The following EYS variants were observed in gnomAD, a reference collection of about 807,000 sequenced individuals.
EYS encodes the protein EGF-like photoreceptor maintenance factor.
A neutral mutation model predicts 282.1 loss-of-function variants in EYS; 250 were observed. The observed-to-expected ratio is 0.89, with a 90% CI of 0.80 to 0.98. The LOEUF (loss-of-function observed/expected upper bound fraction) is 0.98, where lower values mean the gene tolerates loss of function less well. EYS is among the 50% of genes least tolerant of loss of function. EYS has a pLI of 0.00. For missense variants in EYS, 4,016 were observed against 3,709.0 expected, an observed-to-expected ratio of 1.08 and a Z score of -2.15; for synonymous variants, 1,355 against 1,282.9, an observed-to-expected ratio of 1.06 and a Z score of -1.20.
intron 11 of EYS, among the ~76,000 whole-genome samples, chr6:65,297,042 T>C (rs938030686): frequency 2.6e-5 from 4 of 151,630 alleles, no homozygotes; most frequent in African/African-American, 9.7e-5. Context: ...TCATTATACA[T>C]TGAACAACTT....
chr6:65,447,332 G>GTATATATA (rs3049735), intron 5 of EYS, among the ~76,000 whole-genome samples: 1 of 140,246 alleles, frequency 7.1e-6, no homozygotes, highest in African/African-American at 2.6e-5. Flanking sequence ...ATATGTGTGT[G>GTATATATA]TATATATATA....
intron 22 of EYS, among the ~76,000 whole-genome samples, chr6:64,718,792 A>T (rs1379663059): frequency 6.6e-6 from 1 of 152,240 alleles, no homozygotes; most frequent in Non-Finnish European, 1.5e-5. Flanking sequence ...TATGCCATGC[A>T]ATATCATAGT....
At chr6:65,111,985 A>G (rs1775226043) in intron 12 of EYS, among the ~76,000 whole-genome samples, 1 of 152,114 alleles carries the variant, frequency 6.6e-6, no homozygotes, top group South Asian at 2.1e-4. Context: ...TCCAGTATCA[A>G]TGTGAGATCT....
intron 22 of EYS, among the ~76,000 whole-genome samples, chr6:64,688,191 ATTTTT>A (rs941566349): frequency 6.6e-6 from 1 of 151,470 alleles, no homozygotes; most frequent in Non-Finnish European, 1.5e-5. Context: ...GGATTCATTG[ATTTTT>A]TTAATGGTTT....
intron 12 of EYS, among the ~76,000 whole-genome samples, chr6:65,060,749 T>A (rs1161510444): frequency 6.8e-6 from 1 of 146,930 alleles, no homozygotes; most frequent in Admixed American, 6.8e-5. Flanking sequence ...AATACATATA[T>A]ATATATGTGT....
intron 22 of EYS, among the ~76,000 whole-genome samples, chr6:64,801,035 T>C (rs1774531797): frequency 6.6e-6 from 1 of 152,068 alleles, no homozygotes; most frequent in African/African-American, 2.4e-5. Context: ...GAAGTTTATC[T>C]CATTGTTTCT....
At chr6:65,196,350 C>T (rs1338361986) in intron 12 of EYS, among the ~76,000 whole-genome samples, 2 of 152,006 alleles carry the variant, frequency 1.3e-5, no homozygotes, top group Non-Finnish European at 2.9e-5. Flanking sequence ...TTCCAGTTAC[C>T]ACATATTATT....
chr6:65,605,100 C>T (rs1021507777), intron 2 of EYS, among the ~76,000 whole-genome samples: 2 of 151,292 alleles, frequency 1.3e-5, no homozygotes, highest in Non-Finnish European at 2.9e-5. Flanking sequence ...CTGCCTTGGC[C>T]TCCCAAATTG....
intron 11 of EYS, among the ~76,000 whole-genome samples, chr6:65,306,001 ATTGAG>A (rs1474335459): frequency 2.6e-5 from 4 of 152,032 alleles, no homozygotes; most frequent in Non-Finnish European, 5.9e-5. Flanking sequence ...TCATTTCTGA[ATTGAG>A]TTTTCTTTTC....
At chr6:65,405,608 C>T (rs1335524209) in intron 5 of EYS, among the ~76,000 whole-genome samples, 1 of 152,040 alleles carries the variant, frequency 6.6e-6, no homozygotes, top group Non-Finnish European at 1.5e-5. Flanking sequence ...AGCACAATTC[C>T]ATTACCCAAA....
chr6:65,193,228 A>G (rs1443238502), intron 12 of EYS, among the ~76,000 whole-genome samples: 2 of 151,866 alleles, frequency 1.3e-5, no homozygotes. Flanking sequence ...TGAGAAAGCT[A>G]AAGTAGATAA....
At chr6:65,250,890 T>A (rs1294511762) in intron 12 of EYS, among the ~76,000 whole-genome samples, 1 of 151,828 alleles carries the variant, frequency 6.6e-6, no homozygotes, top group Non-Finnish European at 1.5e-5. Flanking sequence ...ACAATAATGC[T>A]AGTCCTCATA....
At chr6:65,316,748 T>C (rs1769305410) in intron 11 of EYS, among the ~76,000 whole-genome samples, 1 of 152,142 alleles carries the variant, frequency 6.6e-6, no homozygotes, top group African/African-American at 2.4e-5. Flanking sequence ...TCTGTTCCTG[T>C]ATTAGTTTGC....
At chr6:64,653,539 A>AT in intron 22 of EYS, among the ~76,000 whole-genome samples, 1 of 152,000 alleles carries the variant, frequency 6.6e-6, no homozygotes, top group East Asian at 1.9e-4. Context: ...TTTCTTCTAT[A>AT]TTTTTTGTGC....
chr6:63,771,106 A>C (rs1769917509), intron 40 of EYS, among the ~76,000 whole-genome samples: 1 of 152,150 alleles, frequency 6.6e-6, no homozygotes, highest in Non-Finnish European at 1.5e-5. Context: ...TAACAGTTGC[A>C]CTCAGAATTC....
At chr6:64,783,284 C>G (rs1031422380) in intron 22 of EYS, among the ~76,000 whole-genome samples, 1 of 151,522 alleles carries the variant, frequency 6.6e-6, no homozygotes, top group Non-Finnish European at 1.5e-5. Flanking sequence ...AAACCTTATC[C>G]TATATACATA....
At chr6:63,966,424 T>G (rs1363247718) in intron 35 of EYS, among the ~76,000 whole-genome samples, 2 of 152,094 alleles carry the variant, frequency 1.3e-5, no homozygotes, top group Non-Finnish European at 2.9e-5. Context: ...ACTGCTCAGG[T>G]GATGAGTGCA....
intron 15 of EYS, among the ~76,000 whole-genome samples, chr6:64,915,584 G>A (rs1240464607): frequency 6.6e-6 from 1 of 152,060 alleles, no homozygotes; most frequent in East Asian, 1.9e-4. Context: ...CACCTACACT[G>A]TTTACTAGAT....
intron 29 of EYS, among the ~76,000 whole-genome samples, chr6:64,355,928 C>A (rs561806255): frequency 1.8e-4 from 27 of 151,572 alleles, no homozygotes; most frequent in Non-Finnish European, 3.7e-4. Context: ...AATATTTGAT[C>A]AGAAACTTTA....
Sources: gnomAD v4.1 joint callset for allele counts (sites outside exome capture counted in the v4.1 genomes callset) on GRCh38, gnomAD v4.1.1 for gene constraint, MANE v1.5 for transcripts, NCBI Gene and HGNC (gene_info 2026-07-23, HGNC 2026-07-21) for gene names.